Variants in APP observed in about 807,000 individuals in gnomAD.
The protein encoded by APP is amyloid-beta precursor protein.
In APP, 31 loss-of-function variants were observed where a neutral mutation model predicts 101.4. That is an observed-to-expected ratio of 0.31 (90% confidence interval 0.23 to 0.41). The LOEUF (loss-of-function observed/expected upper bound fraction) is 0.41. APP is among the 10% of genes least tolerant of loss of function. The pLI, the probability that APP is intolerant of heterozygous loss-of-function variation, is 1.00. For missense variants in APP, 839 were observed against 1,003.7 expected, an observed-to-expected ratio of 0.84 and a Z score of 2.22; for synonymous variants, 366 against 364.4, an observed-to-expected ratio of 1.00 and a Z score of -0.05.
intron 6 of APP, among the ~76,000 whole-genome samples, chr21:26,015,897 A>G (rs2044034314): frequency 6.8e-6 from 1 of 146,508 alleles, no homozygotes; most frequent in South Asian, 2.2e-4. Context: ...GAAAACATCC[A>G]TAGACAATTT....
At chr21:25,984,168 G>A (rs574713827) in intron 8 of APP, among the ~76,000 whole-genome samples, 94 of 152,098 alleles carry the variant, frequency 6.2e-4, no homozygotes, top group Admixed American at 1.3e-3. Context: ...TGCTAACCAC[G>A]GGAAAGTTCT....
intron 1 of APP, among the ~76,000 whole-genome samples, chr21:26,157,518 CA>C (rs563195181): frequency 6.2e-4 from 94 of 152,294 alleles, no homozygotes; most frequent in Middle Eastern, 3.4e-3. Flanking sequence ...ACTATTGGAA[CA>C]TATTTCAACT....
At chr21:26,156,921 ACT>A (rs768921527) in intron 1 of APP, among the ~76,000 whole-genome samples, 6 of 152,058 alleles carry the variant, frequency 3.9e-5, no homozygotes, top group Non-Finnish European at 7.4e-5. Flanking sequence ...ACATTCAAAC[ACT>A]CTTTCTAATT....
At chr21:25,967,189 T>C (rs940900869) in intron 11 of APP, among the ~76,000 whole-genome samples, 2 of 152,176 alleles carry the variant, frequency 1.3e-5, no homozygotes, top group Non-Finnish European at 2.9e-5. Context: ...GCCGATGCTA[T>C]AGAAACTGCC....
At position 25,911,835 on chromosome 21, in the gene APP, C is replaced by G. The variant is rs755596937; in HGVS notation, c.1815G>C (p.Glu605Asp). The G allele has an allele frequency of 9.3e-6, 15 of 1,614,070 alleles. No homozygotes were observed. In the Admixed American group the frequency reaches 1.8e-4, roughly 20 times the overall value. ...PSLTETKTTVELLPVNGEFSL... is the reference protein window; with the variant it reads ...PSLTETKTTVDLLPVNGEFSL... ...TGAACTCTCCATTCACGGGAAGGAG[C>G]TCCACGGTGGTTTTCGTTTCGGTCA... Residue 605 changes from glutamate to aspartate, a missense_variant, in exon 14 of 18, where the codon GAG (glutamate) becomes GAC (aspartate). Coordinates refer to ENST00000346798, the MANE Select transcript of APP (RefSeq NM_000484.4).
At chr21:26,099,578 C>T (rs962943825) in intron 2 of APP, among the ~76,000 whole-genome samples, 2 of 152,198 alleles carry the variant, frequency 1.3e-5, no homozygotes, top group Non-Finnish European at 2.9e-5. Flanking sequence ...CAAAGCATGT[C>T]CTAGACAATA....
chr21:26,031,117 CAGAAGATGGTAAA>C (rs2044797959), intron 5 of APP, among the ~76,000 whole-genome samples: 1 of 149,522 alleles, frequency 6.7e-6, no homozygotes, highest in Non-Finnish European at 1.5e-5. Flanking sequence ...GCAGTTTCTA[CAGAAGATGGTAAA>C]AGAAGATGCC....
At chr21:26,120,896 C>T (rs2146236627) in intron 1 of APP, among the ~76,000 whole-genome samples, 2 of 152,266 alleles carry the variant, frequency 1.3e-5, no homozygotes, top group Middle Eastern at 6.8e-3. Context: ...AATTTCATCA[C>T]CAAACATTCA....
intron 13 of APP, 52 bp from the exon 14 acceptor site, chr21:25,912,014 G>T: frequency 7.4e-7 from 1 of 1,354,166 alleles, no homozygotes; most frequent in East Asian, 2.3e-5. Context: ...CACAACAGCA[G>T]CAGCAGCAGC....
chr21:26,100,950 C>T (rs1034302808), intron 2 of APP, among the ~76,000 whole-genome samples: 1 of 152,304 alleles, frequency 6.6e-6, no homozygotes, highest in African/African-American at 2.4e-5. Flanking sequence ...CTCCAGAGAC[C>T]TGCCCTGCAG....
intron 2 of APP, among the ~76,000 whole-genome samples, chr21:26,090,685 G>A (rs908997976): frequency 4.6e-5 from 7 of 152,116 alleles, no homozygotes; most frequent in East Asian, 1.9e-4. Flanking sequence ...CTAAACAAAC[G>A]TTACAGTAGA....
At chr21:25,982,137 C>CAATT (rs751527289) in intron 9 of APP, among the ~76,000 whole-genome samples, 16 of 152,116 alleles carry the variant, frequency 1.1e-4, no homozygotes, top group Non-Finnish European at 2.2e-4. Context: ...TTACAAAATC[C>CAATT]AACTATACCT....
intron 16 of APP, among the ~76,000 whole-genome samples, chr21:25,896,739 C>A (rs530955905): frequency 6.6e-6 from 1 of 152,274 alleles, no homozygotes; most frequent in Admixed American, 6.5e-5. Flanking sequence ...GAAAAGGAAG[C>A]TGCTGTCTTC....
chr21:25,898,689 T>C (rs2146269109), intron 15 of APP, among the ~76,000 whole-genome samples: 1 of 152,340 alleles, frequency 6.6e-6, no homozygotes, highest in Non-Finnish European at 1.5e-5. Context: ...TTCCATCCTT[T>C]GAGCCTGATT....
chr21:26,150,999 T>C (rs902523917), intron 1 of APP, among the ~76,000 whole-genome samples: 10 of 152,180 alleles, frequency 6.6e-5, no homozygotes, highest in Admixed American at 5.2e-4. Flanking sequence ...GAAACGGCAG[T>C]TAATAATCAA....
At chr21:25,969,437 CAACATTA>C (rs1206462306) in intron 11 of APP, among the ~76,000 whole-genome samples, 1 of 149,518 alleles carries the variant, frequency 6.7e-6, no homozygotes, top group African/African-American at 2.5e-5. Context: ...TCAAGCCATA[CAACATTA>C]AAACTTAAAT....
At chr21:25,918,952 C>G (rs1424506566) in intron 13 of APP, among the ~76,000 whole-genome samples, 1 of 122,338 alleles carries the variant, frequency 8.2e-6, no homozygotes, top group Non-Finnish European at 1.7e-5. Context: ...AAAAAGACAG[C>G]AGTAACCTCT....
At chr21:26,014,073 C>T (rs1163414933) in intron 6 of APP, among the ~76,000 whole-genome samples, 4 of 152,184 alleles carry the variant, frequency 2.6e-5, no homozygotes, top group African/African-American at 9.7e-5. Context: ...AGGTAAAGGC[C>T]TGAGGCTTGC....
At chr21:26,031,709 G>C (rs199664368) in intron 5 of APP, among the ~76,000 whole-genome samples, 2 of 42 alleles carry the variant, frequency 0.048, no homozygotes, top group East Asian at 0.5. Flanking sequence ...CCTCCCCTGG[G>C]TCCCTCCACA....
Sources: gnomAD v4.1 joint callset for allele counts (sites outside exome capture counted in the v4.1 genomes callset) on GRCh38, gnomAD v4.1.1 for gene constraint, MANE v1.5 for transcripts, NCBI Gene and HGNC (gene_info 2026-07-23, HGNC 2026-07-21) for gene names.